The following C10orf71 variants were observed in gnomAD, a reference collection of about 807,000 sequenced individuals.
The protein encoded by C10orf71 is chromosome 10 open reading frame 71.
For synonymous variants in C10orf71, 758 were observed against 726.3 expected, an observed-to-expected ratio of 1.04 and a Z score of -0.70; for missense variants, 1,869 against 1,804.5, an observed-to-expected ratio of 1.04 and a Z score of -0.65.
chr10:49,309,313 G>A (rs1258835401), intron 1 of C10orf71, among the ~76,000 whole-genome samples: 1 of 152,172 alleles, frequency 6.6e-6, no homozygotes, highest in South Asian at 2.1e-4. Flanking sequence ...GATAGGATCA[G>A]TGCCCTTATA....
In C10orf71 at chr10:49,322,953, C is replaced by T; in HGVS notation, c.408C>T (p.Ser136=). ...LEVPVSGLRS[S]NKPVSKVSTL... ...TGCCAGTTTCCGGCCTAAGGAGCAG[C>T]AATAAGCCTGTCTCCAAAGTATCAA... Residue 136 remains serine (S), a synonymous_variant, in exon 3 of 3, where the codon AGC becomes AGT. Coordinates refer to ENST00000374144, the MANE Select transcript of C10orf71 (RefSeq NM_001135196.2). 1 of 1,614,000 alleles carries T rather than the reference C, an allele frequency of 6.2e-7. No homozygotes were observed. The highest frequency in any genetic ancestry group is 8.5e-7 in the Non-Finnish European group (1 of 1,179,882).
In C10orf71 at chr10:49,324,138, T is replaced by C; in HGVS notation, c.1593T>C (p.Val531=). 3.7e-6 allele frequency: 6 copies of C among 1,613,932 alleles called. No individual in the cohort carries two copies. Among genetic ancestry groups the C allele is most frequent in the Non-Finnish European group, 5.1e-6 (6 of 1,179,894 alleles). ...KVLDEKTRGK[V]DGKQEPVSNG... ...TTGATGAGAAAACTAGAGGTAAGGT[T>C]GATGGAAAGCAAGAACCTGTGAGCA... Residue 531 remains valine, a synonymous_variant, in exon 3 of 3, where the codon GTT becomes GTC. Transcript: ENST00000374144.
rs1178010933 is a variant in C10orf71, at chr10:49,324,360, T to C, written c.1815T>C (p.Asn605=). Residue 605 remains asparagine (N), a synonymous_variant, in exon 3 of 3, where the codon AAT becomes AAC. Transcript: ENST00000374144. ...TCGCCAAAGCCCCCTTCTATGTCAA[T>C]GGGGAGGCTGCTGAGAGAAGCAGTT... is the stretch of plus-strand genomic sequence containing the variant. The part of the protein sequence containing the change: ...PTIAKAPFYV[N]GEAAERSSYE... 2 of 1,613,676 alleles carry C rather than the reference T, an allele frequency of 1.2e-6. No homozygotes were observed. Among genetic ancestry groups the C allele is most frequent in the Non-Finnish European group, 1.7e-6 (2 of 1,179,798 alleles).
At chr10:49,309,661 G>A (rs1218591589) in intron 1 of C10orf71, among the ~76,000 whole-genome samples, 1 of 152,202 alleles carries the variant, frequency 6.6e-6, no homozygotes, top group Non-Finnish European at 1.5e-5. Flanking sequence ...TGACCAGCAA[G>A]GCACCCTGTG....
At chr10:49,320,163 C>T (rs1401781312) in intron 2 of C10orf71, among the ~76,000 whole-genome samples, 1 of 152,126 alleles carries the variant, frequency 6.6e-6, no homozygotes, top group East Asian at 1.9e-4. Flanking sequence ...AAGGAAAGGG[C>T]TATAACAGAG....
chr10:49,326,551 C>T lies in C10orf71; in HGVS notation c.4006C>T (p.Pro1336Ser). Residue 1336 changes from proline to serine, a missense_variant, in exon 3 of 3, where the codon CCC (proline) becomes TCC (serine). Pro to Ser is a moderately conservative substitution (Grantham distance 74). Transcript: ENST00000374144. ...DALAAPYVLY[P>S]GFQPVPVTAL... ...CCTGGCCGCTCCCTATGTGCTGTACCCCGGCTTCCAGCCAGTGCCCGTGAC... is the reference window on the plus strand; with the variant it reads ...CCTGGCCGCTCCCTATGTGCTGTACTCCGGCTTCCAGCCAGTGCCCGTGAC... 1 of 1,550,668 alleles carries T rather than the reference C, an allele frequency of 6.4e-7. No homozygotes were observed. The highest frequency in any genetic ancestry group is 8.7e-7 in the Non-Finnish European group (1 of 1,146,894).
intron 1 of C10orf71, among the ~76,000 whole-genome samples, chr10:49,312,335 C>A (rs1049691181): frequency 1.3e-5 from 2 of 152,308 alleles, no homozygotes; most frequent in East Asian, 3.9e-4. Context: ...TTTGCAGAAC[C>A]TTCTCCATCT....
chr10:49,323,265 T>A lies in C10orf71; in HGVS notation c.720T>A (p.Asn240Lys). 4 of 1,613,834 alleles carry A rather than the reference T, an allele frequency of 2.5e-6. No homozygotes were observed. Among genetic ancestry groups the A allele is most frequent in the South Asian group, 1.1e-5 (1 of 91,052 alleles). Reference sequence around the variant, plus strand: ...CCAGCAGCTTCCTCCCAGCAGCCAATGACACGGCCACCTTATGTGAGTCAA... The same window carrying A: ...CCAGCAGCTTCCTCCCAGCAGCCAAAGACACGGCCACCTTATGTGAGTCAA... ...HGSSSFLPAA[N>K]DTATLCESKF... is the part of the protein sequence containing the mutation. The change falls in exon 3 of 3, where the codon AAT becomes AAA. Residue 240 changes from asparagine to lysine, a missense_variant. Coordinates refer to ENST00000374144, the MANE Select transcript of C10orf71 (RefSeq NM_001135196.2).
At chr10:49,316,792 C>T (rs866867023) in intron 2 of C10orf71, among the ~76,000 whole-genome samples, 35 of 152,156 alleles carry the variant, frequency 2.3e-4, no homozygotes, top group African/African-American at 7.2e-4. Context: ...GGCCTGTCCT[C>T]GGTCTCACAC....
chr10:49,325,553 C>G lies in C10orf71; in HGVS notation c.3008C>G (p.Thr1003Ser). ...CTGGCAGCCCCATGGCACATCCCCA[C>G]CATTGCTTTACCCGAGGGTGACATA... Reference protein sequence around the residue: ...GKLAAPWHIPTIALPEGDIED... With the variant: ...GKLAAPWHIPSIALPEGDIED... The change falls in exon 3 of 3, where the codon ACC becomes AGC. Residue 1003 changes from threonine (T) to serine (S), a missense_variant. By Grantham distance (58) the Thr-to-Ser change is moderately conservative (BLOSUM62 1). Transcript: ENST00000374144. 6.4e-7 allele frequency: 1 copy of G among 1,550,664 alleles called. No homozygotes were observed. The highest frequency in any genetic ancestry group is 8.7e-7 in the Non-Finnish European group (1 of 1,146,102).
At position 49,324,767 on chromosome 10, in the gene C10orf71, A is replaced by G. The variant is rs11101093; in HGVS notation, c.2222A>G (p.Asp741Gly). Residue 741 changes from aspartate (D) to glycine (G), a missense_variant, in exon 3 of 3, where the codon GAT (aspartate) becomes GGT (glycine). Asp to Gly is a moderately conservative substitution (Grantham distance 94). Coordinates refer to ENST00000374144, the MANE Select transcript of C10orf71 (RefSeq NM_001135196.2). ...TCAGATCAATCCTTTGCCTCATTTG[A>G]TGATCAGCAGAAGATGTGGTTTACT... The part of the protein sequence containing the change: ...SSSDQSFASF[D>G]DQQKMWFTEN... The G allele has an allele frequency of 0.12, 186,718 of 1,554,462 alleles. 11,985 individuals carry two copies. Among genetic ancestry groups the G allele is most frequent in the South Asian group, 0.15 (12,995 of 84,486 alleles).
At chr10:49,297,335 A>G (rs1482886567), upstream of C10orf71, among the ~76,000 whole-genome samples, 1 of 152,264 alleles carries the variant, frequency 6.6e-6, no homozygotes, top group Admixed American at 6.5e-5. Flanking sequence ...AACAGATGAC[A>G]TATGAACTGA....
In C10orf71 at chr10:49,326,859, T is replaced by A; in HGVS notation, c.*6T>A. On this transcript the variant is annotated 3_prime_UTR_variant, in exon 3 of 3. Coordinates refer to ENST00000374144, the MANE Select transcript of C10orf71 (RefSeq NM_001135196.2). ...CCACAGAAGGCATTTCTTGAGTTAC[T>A]GCAGGCTGTCCCCCACCCCCAGATG... 6.6e-7 allele frequency: 1 copy of A among 1,516,058 alleles called. No homozygotes were observed. The allele number at this position is 1,516,058 out of a possible 1,614,324, so 93.9% of individuals were successfully genotyped here.
chr10:49,317,436 C>T (rs1338566665), intron 2 of C10orf71, among the ~76,000 whole-genome samples: 2 of 152,176 alleles, frequency 1.3e-5, no homozygotes, highest in African/African-American at 4.8e-5. Flanking sequence ...TAAAAAAAAT[C>T]GTAACTCTCA....
Position 49,322,793 on chromosome 10 carries a change from G to A in C10orf71, c.248G>A (p.Ser83Asn). The change falls in exon 3 of 3, where the codon AGC (serine) becomes AAC (asparagine). Residue 83 changes from serine (S) to asparagine (N), a missense_variant. Ser to Asn is a conservative substitution (Grantham distance 46). Coordinates refer to ENST00000374144, the MANE Select transcript of C10orf71 (RefSeq NM_001135196.2). ...GHTQRKSGIW[S>N]QLPSQGTEHS... ...ACCCAGAGGAAAAGTGGCATTTGGA[G>A]CCAGTTACCGTCACAGGGCACGGAA... 1.2e-6 allele frequency: 2 copies of A among 1,613,690 alleles called. No homozygotes were observed. Among genetic ancestry groups the A allele is most frequent in the Non-Finnish European group, 1.7e-6 (2 of 1,179,678 alleles).
At chr10:49,299,911 G>T (rs530028884) in intron 1 of C10orf71, among the ~76,000 whole-genome samples, 73 of 152,344 alleles carry the variant, frequency 4.8e-4, no homozygotes, top group Non-Finnish European at 9.1e-4. Context: ...TGGCCTGTGG[G>T]CTCTGCGAGC....
chr10:49,308,342 C>T (rs1848852586), intron 1 of C10orf71, among the ~76,000 whole-genome samples: 1 of 152,212 alleles, frequency 6.6e-6, no homozygotes, highest in African/African-American at 2.4e-5. Flanking sequence ...CTGGGGCTGG[C>T]CAAAGCCAAA....
intron 1 of C10orf71, among the ~76,000 whole-genome samples, chr10:49,299,800 T>A (rs1848693926): frequency 6.6e-6 from 1 of 152,208 alleles, no homozygotes; most frequent in South Asian, 2.1e-4. Context: ...GTTTTCAGCA[T>A]TCAGGGCTGA....
rs1215849763 is a variant in C10orf71 at position 49,325,763 on chromosome 10, G to A, written c.3218G>A (p.Ser1073Asn). 1.3e-6 allele frequency: 2 copies of A among 1,551,314 alleles called. No homozygotes were observed. Among genetic ancestry groups the A allele is most frequent in the East Asian group, 2.4e-5 (1 of 40,904 alleles). Residue 1073 changes from serine to asparagine, a missense_variant, in exon 3 of 3, where the codon AGC becomes AAC. Transcript: ENST00000374144. Reference sequence around the variant, plus strand: ...AGCAGTGCCTGCTCCCCTGCTGCCAGCAACATTTGGGAGGAGTCTTCCCAG... The same window carrying A: ...AGCAGTGCCTGCTCCCCTGCTGCCAACAACATTTGGGAGGAGTCTTCCCAG... ...GESSACSPAA[S>N]NIWEESSQAP...
Sources: gnomAD v4.1 joint callset for allele counts (sites outside exome capture counted in the v4.1 genomes callset) on GRCh38, gnomAD v4.1.1 for gene constraint, MANE v1.5 for transcripts, NCBI Gene and HGNC (gene_info 2026-07-23, HGNC 2026-07-21) for gene names.